Variants in SORT1 observed in about 807,000 individuals in gnomAD.
SORT1 encodes the protein sortilin 1, also known as sortilin.
In SORT1, 39 loss-of-function variants were observed where a neutral mutation model predicts 101.7. The ratio of observed to expected loss-of-function variants is 0.38; its 90% CI spans 0.30 to 0.50. The LOEUF (loss-of-function observed/expected upper bound fraction) is 0.50. Ranked by LOEUF, SORT1 falls within the 20% of genes least tolerant of loss-of-function variation. The pLI is 0.90. For synonymous variants in SORT1, 396 were observed against 393.7 expected (o/e 1.01, Z -0.07); for missense variants, 878 against 1,040.4 (o/e 0.84, Z 2.15).
chr1:109,361,340 T>A lies in SORT1; in HGVS notation c.441-5871A>T, dbSNP rs759065426. On this transcript the variant is annotated intron_variant, in intron 3 of 19. Transcript: ENST00000256637. ...CCACTTTATAACAAGGATTGCTTTT[T>A]CTCTACTGTCCAACAACAAGTTCCT... Among the ~76,000 whole-genome samples, 140 of 152,354 alleles carry A rather than the reference T, an allele frequency of 9.2e-4. 1 individual carries two copies. The highest frequency in any genetic ancestry group is 1.6e-3 in the Non-Finnish European group (110 of 68,032).
At chr1:109,345,994 A>T (rs1649558815) in intron 7 of SORT1, 113 bp from the exon 8 acceptor site, 3 of 875,866 alleles carry the variant, frequency 3.4e-6, no homozygotes. Context: ...AATACTATGC[A>T]TGTTAATCAA....
At position 109,369,687 on chromosome 1, in the gene SORT1, T is replaced by C. The variant is rs559136480; in HGVS notation, c.307-98A>G. ...GAACTTTATTACTGTTCAGAGTAAT[T>C]AAGTTCATAATTACAAAGTGGGTAT... is the stretch of plus-strand genomic sequence containing the variant. On this transcript the variant is annotated intron_variant, in intron 1 of 19. Transcript: ENST00000256637. 26 of 825,132 alleles carry C rather than the reference T, an allele frequency of 3.2e-5. No homozygotes were observed. In the African/African-American group the frequency reaches 4.1e-4, roughly 13 times the overall value. The allele number at this position is 825,132 out of a possible 1,614,324, so 51.1% of individuals were successfully genotyped here.
chr1:109,368,031 C>T (rs199877723), intron 2 of SORT1, among the ~76,000 whole-genome samples: 3 of 152,030 alleles, frequency 2.0e-5, no homozygotes, highest in East Asian at 1.9e-4. Flanking sequence ...CGGTGGCTCA[C>T]GCCTGTAATC....
chr1:109,314,768 G>T lies in SORT1; in HGVS notation c.2261C>A (p.Ser754Ter). 2 of 1,599,934 alleles carry T rather than the reference G, an allele frequency of 1.3e-6. No individual in the cohort carries two copies. The highest frequency in any genetic ancestry group is 2.2e-5 in the South Asian group (2 of 90,690). The stretch of plus-strand genomic sequence containing the variant: ...GGCCAGGATAATTGGAACAGAATTT[G>T]ACTTGGAATTCTTGAGAAATTAAAA... ...FLSPEKQNSK[S>*]NSVPIILAIV... The change falls in exon 18 of 20, where the codon TCA (serine) becomes TAA (stop). Residue 754 changes from serine (S) to a stop codon, truncating the protein, a stop_gained. Transcript: ENST00000256637. LOFTEE classifies it high-confidence loss of function.
intron 16 of SORT1, among the ~76,000 whole-genome samples, chr1:109,317,617 C>T (rs757092851): frequency 1.1e-4 from 16 of 152,194 alleles, no homozygotes; most frequent in Non-Finnish European, 1.8e-4. Context: ...TCTGGCCGAG[C>T]TTGTTCTCCT....
rs1259853577 is a variant in SORT1 at position 109,310,536 on chromosome 1, T to C, written c.*3507A>G. The C allele has an allele frequency of 6.5e-6, 1 of 154,190 alleles. No individual in the cohort carries two copies. Among genetic ancestry groups the C allele is most frequent in the Non-Finnish European group, 1.5e-5 (1 of 68,042 alleles). 9.6% of individuals were successfully genotyped at this position (154,190 alleles called of 1,614,324 possible). A position where few individuals can be genotyped will look rare whatever the true frequency, so the allele number is the denominator to read the frequency against. On this transcript the variant is annotated 3_prime_UTR_variant, in exon 20 of 20. Transcript: ENST00000256637. ...TTTTCAAAGAACATTTAAGTCCATG[T>C]TCATTTTCCTGCTTCAGGGAAGATG...
chr1:109,333,622 T>A (rs377316237), intron 11 of SORT1, among the ~76,000 whole-genome samples: 1 of 151,898 alleles, frequency 6.6e-6, no homozygotes, highest in East Asian at 1.9e-4. Flanking sequence ...AGAAGACATA[T>A]AAATGGCCAA....
rs762140459 is a variant in SORT1, at chr1:109,314,713, T to C, written c.2316A>G (p.Val772=). 5.6e-6 allele frequency: 9 copies of C among 1,611,078 alleles called. No individual in the cohort carries two copies. Among genetic ancestry groups the C allele is most frequent in the South Asian group, 4.4e-5 (4 of 91,028 alleles). ...AIVGLMLVTV[V]AGVLIVKKYV... The stretch of plus-strand genomic sequence containing the variant: ...ATTTCTTCACAATGAGCACTCCTGC[T>C]ACGACTGTGACCAGCATCAATCCCA... Residue 772 remains valine, a synonymous_variant, in exon 18 of 20, where the codon GTA becomes GTG. Transcript: ENST00000256637.
intron 9 of SORT1, 138 bp downstream of exon 9, chr1:109,341,876 A>G (rs1016254019): frequency 3.7e-6 from 3 of 812,804 alleles, no homozygotes; most frequent in African/African-American, 1.7e-5. Context: ...GGGGCTACAG[A>G]TGATCTCTAG....
rs58727572 is a variant in SORT1, at chr1:109,340,577, TAA to T, written c.1264+145_1264+146del. The stretch of plus-strand genomic sequence containing the variant: ...AATTTTGTTAGACATATTGCCACAA[TAA>T]AAAAAAAAAAGGAAACAAAAAAATG... On this transcript the variant is annotated intron_variant, in intron 10 of 19. Transcript: ENST00000256637. 3,419 of 630,114 alleles carry T rather than the reference TAA, an allele frequency of 5.4e-3. 29 individuals carry two copies. The highest frequency in any genetic ancestry group is 0.034 in the African/African-American group (1,681 of 49,090). 39.0% of individuals were successfully genotyped at this position (630,114 alleles called of 1,614,324 possible). A position where few individuals can be genotyped will look rare whatever the true frequency, so the allele number is the denominator to read the frequency against.
At chr1:109,335,277 G>A (rs1421117147) in intron 11 of SORT1, among the ~76,000 whole-genome samples, 1 of 152,218 alleles carries the variant, frequency 6.6e-6, no homozygotes, top group African/African-American at 2.4e-5. Context: ...GCTGGGCAGG[G>A]AGAGGCATGG....
chr1:109,384,751 A>G (rs564502406), intron 1 of SORT1, among the ~76,000 whole-genome samples: 1 of 152,282 alleles, frequency 6.6e-6, no homozygotes, highest in South Asian at 2.1e-4. Context: ...ATCCCATGGC[A>G]GAAAGTGGAA....
chr1:109,340,608 A>C, intron 10 of SORT1, 116 bp downstream of exon 10: 1 of 1,044,526 alleles, frequency 9.6e-7, no homozygotes, highest in South Asian at 1.4e-5. Flanking sequence ...AAAAATGTAC[A>C]TGGGTAGGCT....
chr1:109,337,124 T>C (rs1359163685), intron 10 of SORT1, among the ~76,000 whole-genome samples: 1 of 152,234 alleles, frequency 6.6e-6, no homozygotes, highest in African/African-American at 2.4e-5. Flanking sequence ...CTACTCCATA[T>C]CCTATCTTTC....
intron 11 of SORT1, among the ~76,000 whole-genome samples, chr1:109,328,851 C>T (rs1412333788): frequency 6.6e-6 from 1 of 152,226 alleles, no homozygotes; most frequent in Non-Finnish European, 1.5e-5. Context: ...TCCACTCTCA[C>T]AGACCCAGCC....
At chr1:109,390,752 A>AGTGTGTGTGTGTGTGT (rs749381586) in intron 1 of SORT1, among the ~76,000 whole-genome samples, 8 of 144,420 alleles carry the variant, frequency 5.5e-5, no homozygotes, top group African/African-American at 2.2e-4. Flanking sequence ...AATATTAGAA[A>AGTGTGTGTGTGTGTGT]GTGTGTGTGT....
chr1:109,356,163 T>C (rs1361020041), intron 3 of SORT1, among the ~76,000 whole-genome samples: 1 of 152,194 alleles, frequency 6.6e-6, no homozygotes, highest in African/African-American at 2.4e-5. Context: ...TGAGCCACTG[T>C]GCCCGGTCCT....
intron 1 of SORT1, among the ~76,000 whole-genome samples, chr1:109,385,228 T>C (rs1652501429): frequency 6.6e-6 from 1 of 152,202 alleles, no homozygotes; most frequent in Admixed American, 6.5e-5. Context: ...CTTAATACTG[T>C]TACATTGACG....
intron 10 of SORT1, among the ~76,000 whole-genome samples, chr1:109,337,105 G>A (rs114907657): frequency 9.9e-5 from 15 of 152,196 alleles, no homozygotes; most frequent in Non-Finnish European, 2.2e-4. Flanking sequence ...CTGAATTATT[G>A]TCTCTCCACT....
Sources: allele counts gnomAD v4.1 joint callset (sites outside exome capture counted in the v4.1 genomes callset), GRCh38; gene constraint gnomAD v4.1.1; transcripts MANE v1.5; gene names NCBI Gene and HGNC (gene_info 2026-07-23, HGNC 2026-07-21).